ABCC4: variants seen among roughly 807,000 people sequenced by gnomAD.
ABCC4 encodes the protein ATP-binding cassette sub-family C member 4.
A neutral mutation model predicts 168.5 loss-of-function variants in ABCC4; 102 were observed. The observed-to-expected ratio is 0.61, with a 90% CI of 0.52 to 0.71. The LOEUF is 0.71. Among genes scored for constraint, ABCC4 ranks in the 30% least tolerant of loss-of-function variants. The pLI is 0.00. For synonymous variants in ABCC4, 617 were observed against 590.7 expected (o/e 1.04, Z -0.65); for missense variants, 1,402 against 1,605.8 (o/e 0.87, Z 2.17).
At chr13:95,145,208 A>G (rs954038592) in intron 19 of ABCC4, among the ~76,000 whole-genome samples, 1 of 152,228 alleles carries the variant, frequency 6.6e-6, no homozygotes, top group African/African-American at 2.4e-5. Flanking sequence ...ATGGAAATTC[A>G]GCCATTGTGG....
intron 19 of ABCC4, among the ~76,000 whole-genome samples, chr13:95,147,181 A>G (rs1322520464): frequency 6.6e-6 from 1 of 152,118 alleles, no homozygotes; most frequent in African/African-American, 2.4e-5. Context: ...TAGGTGTCCT[A>G]TCTTCATTTA....
intron 4 of ABCC4, among the ~76,000 whole-genome samples, chr13:95,227,343 GTC>G (rs2039494336): frequency 6.6e-6 from 1 of 152,176 alleles, no homozygotes; most frequent in Non-Finnish European, 1.5e-5. Flanking sequence ...TGAGATTAAT[GTC>G]TCACAAAATG....
intron 1 of ABCC4, among the ~76,000 whole-genome samples, chr13:95,294,667 T>C (rs1051803447): frequency 2.6e-5 from 4 of 152,144 alleles, no homozygotes; most frequent in Non-Finnish European, 5.9e-5. Context: ...GAAAACATAG[T>C]CCAGGCTGGG....
chr13:95,053,870 A>T (rs9302044), intron 26 of ABCC4: 1 of 151,560 alleles, frequency 6.6e-6, no homozygotes, highest in Non-Finnish European at 1.5e-5. Flanking sequence ...CCAGCTACTT[A>T]GGAGGCTGAG....
At chr13:95,164,650 G>GATCATTTT in intron 15 of ABCC4, 132 bp from the exon 16 acceptor site, 1 of 889,660 alleles carries the variant, frequency 1.1e-6, no homozygotes, top group Non-Finnish European at 1.7e-6. Context: ...TGTGGAGAAG[G>GATCATTTT]GTGTGGAAAT....
chr13:95,285,995 C>T (rs897923055), intron 1 of ABCC4, among the ~76,000 whole-genome samples: 11 of 152,044 alleles, frequency 7.2e-5, no homozygotes, highest in Non-Finnish European at 1.2e-4. Flanking sequence ...GTGCAGATAA[C>T]TGAGGACGCA....
chr13:95,046,404 T>C (rs1249088451), intron 27 of ABCC4, among the ~76,000 whole-genome samples: 2 of 152,164 alleles, frequency 1.3e-5, no homozygotes, highest in Non-Finnish European at 2.9e-5. Context: ...AATGAACACA[T>C]TTCCCAGATA....
At position 95,240,675 on chromosome 13, in the gene ABCC4, T is replaced by C. The variant is rs151011672; in HGVS notation, c.307-5841A>G. 3.5e-4 allele frequency among the ~76,000 whole-genome samples: 54 copies of C among 152,274 alleles called. No homozygotes were observed. In the East Asian group the frequency reaches 0.01, roughly 29 times the overall value. The stretch of plus-strand genomic sequence containing the variant: ...TAGAGAGAGGCTTAGTATTCTATTA[T>C]ATTTTATATTTTTGAAATGATCTTT... On this transcript the variant is annotated intron_variant, in intron 3 of 30. Transcript: ENST00000645237.
In ABCC4 at chr13:95,142,996, C is replaced by T. The variant is rs150924658; in HGVS notation, c.2455+18193G>A. 4.1e-3 allele frequency among the ~76,000 whole-genome samples: 628 copies of T among 152,130 alleles called. 5 individuals carry two copies. The highest frequency in any genetic ancestry group is 0.02 in the Middle Eastern group (6 of 294). On this transcript the variant is annotated intron_variant, in intron 19 of 30. Transcript: ENST00000645237. The stretch of plus-strand genomic sequence containing the variant: ...TTTATGGGTGGAGGAGGGCAAGTAG[C>T]TAAAAAGTGGGCCATGTACTAAAAA...
intron 20 of ABCC4, among the ~76,000 whole-genome samples, chr13:95,104,866 C>T (rs925976155): frequency 6.6e-6 from 1 of 152,114 alleles, no homozygotes; most frequent in Admixed American, 6.5e-5. Context: ...TGAAAACAAA[C>T]AAGTGGATTA....
At chr13:95,075,206 C>A in intron 22 of ABCC4, 1 of 538,478 alleles carries the variant, frequency 1.9e-6, no homozygotes, top group South Asian at 2.4e-5. Context: ...AGAGAAAGAC[C>A]CCACAAGCCA....
chr13:95,114,394 G>A (rs1029751061), intron 20 of ABCC4, among the ~76,000 whole-genome samples: 1 of 152,174 alleles, frequency 6.6e-6, no homozygotes, highest in Non-Finnish European at 1.5e-5. Flanking sequence ...CTAGCTTCCT[G>A]TTGCAAAGAA....
intron 27 of ABCC4, among the ~76,000 whole-genome samples, chr13:95,047,969 C>G (rs1196159283): frequency 1.3e-5 from 2 of 152,158 alleles, no homozygotes; most frequent in African/African-American, 4.8e-5. Context: ...GCTCCAGAGT[C>G]TACAATGCCT....
chr13:95,117,627 A>G (rs1273246166), intron 19 of ABCC4, among the ~76,000 whole-genome samples: 1 of 152,184 alleles, frequency 6.6e-6, no homozygotes, highest in Non-Finnish European at 1.5e-5. Flanking sequence ...TCAGTGTATC[A>G]ATACCAATAA....
At chr13:95,236,584 GTGAA>G (rs1256818973) in intron 3 of ABCC4, among the ~76,000 whole-genome samples, 1 of 90,062 alleles carries the variant, frequency 1.1e-5, no homozygotes, top group Non-Finnish European at 2.4e-5. Context: ...GTCTCGGCAT[GTGAA>G]CGCGCGCGTG....
intron 20 of ABCC4, among the ~76,000 whole-genome samples, chr13:95,084,775 G>A (rs750843091): frequency 6.6e-6 from 1 of 152,178 alleles, no homozygotes; most frequent in South Asian, 2.1e-4. Flanking sequence ...CTGTGCTAAC[G>A]GGTCTGTGAA....
chr13:95,269,958 AAG>A (rs1290277117), intron 1 of ABCC4, among the ~76,000 whole-genome samples: 1 of 152,240 alleles, frequency 6.6e-6, no homozygotes, highest in African/African-American at 2.4e-5. Context: ...AAGGAGGGTT[AAG>A]ATTGGCTGGG....
chr13:95,282,682 A>C (rs754030934), intron 1 of ABCC4, among the ~76,000 whole-genome samples: 4 of 151,604 alleles, frequency 2.6e-5, no homozygotes, highest in Non-Finnish European at 5.9e-5. Context: ...TTACAGGTGC[A>C]CGCCATCATG....
At chr13:95,215,030 C>T (rs930145463) in intron 4 of ABCC4, among the ~76,000 whole-genome samples, 12 of 152,006 alleles carry the variant, frequency 7.9e-5, no homozygotes, top group African/African-American at 1.4e-4. Context: ...TAAAAAACAG[C>T]GTAAAGAATA....
Sources: gnomAD v4.1 joint callset for allele counts (sites outside exome capture counted in the v4.1 genomes callset) on GRCh38, gnomAD v4.1.1 for gene constraint, MANE v1.5 for transcripts, NCBI Gene and HGNC (gene_info 2026-07-23, HGNC 2026-07-21) for gene names.